The following EDIL3 variants were observed in gnomAD, a reference collection of about 807,000 sequenced individuals.
EDIL3 encodes the protein EGF-like repeat and discoidin I-like domain-containing protein 3.
EDIL3 carries 37 observed loss-of-function variants against 67.4 expected under a neutral mutation model. The observed-to-expected ratio is 0.55, with a 90% CI of 0.42 to 0.72. The LOEUF (loss-of-function observed/expected upper bound fraction) is 0.72. Among genes scored for constraint, EDIL3 ranks in the 30% least tolerant of loss-of-function variants. The probability of loss-of-function intolerance (pLI) is 0.00; values close to 1 mark genes in which losing one functional copy is unlikely to be tolerated. For synonymous variants in EDIL3, 195 were observed against 196.3 expected (o/e 0.99, Z 0.05); for missense variants, 527 against 586.3 (o/e 0.90, Z 1.04).
At chr5:84,322,264 T>C (rs1396542630) in intron 1 of EDIL3, among the ~76,000 whole-genome samples, 2 of 151,566 alleles carry the variant, frequency 1.3e-5, no homozygotes, top group African/African-American at 4.8e-5. Flanking sequence ...ATGGCAGATA[T>C]ACTAGACAAA....
At chr5:84,361,418 T>C (rs944376754) in intron 1 of EDIL3, among the ~76,000 whole-genome samples, 5 of 152,110 alleles carry the variant, frequency 3.3e-5, no homozygotes, top group Non-Finnish European at 1.5e-5. Context: ...TTTTTATAAA[T>C]AGAAGAGGCA....
chr5:84,223,405 T>C (rs1055517235), intron 3 of EDIL3, among the ~76,000 whole-genome samples: 1 of 151,670 alleles, frequency 6.6e-6, no homozygotes, highest in Admixed American at 6.6e-5. Flanking sequence ...GATTAATTAA[T>C]AGATAAGAAA....
chr5:84,097,516 C>A (rs1481470611), intron 6 of EDIL3, among the ~76,000 whole-genome samples: 1 of 152,094 alleles, frequency 6.6e-6, no homozygotes, highest in East Asian at 1.9e-4. Context: ...AGTTAGCAAA[C>A]CATGTAAGGC....
At chr5:83,957,627 T>C (rs1029125460) in intron 10 of EDIL3, among the ~76,000 whole-genome samples, 1 of 151,656 alleles carries the variant, frequency 6.6e-6, no homozygotes, top group African/African-American at 2.4e-5. Context: ...TTCACACCCA[T>C]GTTGAGAAAG....
chr5:84,213,941 T>G (rs10056381), intron 3 of EDIL3, among the ~76,000 whole-genome samples: 1 of 152,174 alleles, frequency 6.6e-6, no homozygotes. Flanking sequence ...TAATTCCTTG[T>G]GGACCTCAAA....
At chr5:84,096,229 C>A (rs935437219) in intron 6 of EDIL3, among the ~76,000 whole-genome samples, 1 of 152,148 alleles carries the variant, frequency 6.6e-6, no homozygotes, top group African/African-American at 2.4e-5. Context: ...ATCCTAGAGA[C>A]CCCAAAATGG....
chr5:84,114,488 A>C (rs917575541), intron 5 of EDIL3, among the ~76,000 whole-genome samples: 1 of 152,156 alleles, frequency 6.6e-6, no homozygotes, highest in Non-Finnish European at 1.5e-5. Flanking sequence ...TGGTTATGGC[A>C]CTGAGAATAA....
intron 1 of EDIL3, among the ~76,000 whole-genome samples, chr5:84,336,580 TG>T (rs575411064): frequency 1.8e-3 from 274 of 152,078 alleles, no homozygotes; most frequent in African/African-American, 6.1e-3. Context: ...TATTAGAGAT[TG>T]TTTAGGAAAG....
chr5:84,310,486 T>A (rs79323205), intron 1 of EDIL3, among the ~76,000 whole-genome samples: 2 of 152,168 alleles, frequency 1.3e-5, no homozygotes, highest in Non-Finnish European at 2.9e-5. Flanking sequence ...CAGAAAAAAA[T>A]AGTAATCTTA....
intron 10 of EDIL3, among the ~76,000 whole-genome samples, chr5:83,957,904 T>A (rs1356955270): frequency 1.3e-5 from 2 of 151,640 alleles, no homozygotes; most frequent in African/African-American, 4.8e-5. Context: ...CACAGTTGGA[T>A]GAATATAAAT....
chr5:84,085,113 G>T (rs572956543), intron 6 of EDIL3, among the ~76,000 whole-genome samples: 145 of 152,244 alleles, frequency 9.5e-4, no homozygotes, highest in African/African-American at 3.4e-3. Flanking sequence ...CAAACATGTG[G>T]GTTAGAACAT....
chr5:84,328,821 G>A (rs1426284262), intron 1 of EDIL3, among the ~76,000 whole-genome samples: 1 of 152,032 alleles, frequency 6.6e-6, no homozygotes, highest in East Asian at 1.9e-4. Context: ...TTTCAATTGG[G>A]AAAAGAAGTA....
chr5:84,155,200 C>G (rs1748469612), intron 4 of EDIL3, among the ~76,000 whole-genome samples: 1 of 152,022 alleles, frequency 6.6e-6, no homozygotes, highest in Non-Finnish European at 1.5e-5. Context: ...TTATTTTGAG[C>G]CTTAAAATTG....
chr5:84,169,313 G>T (rs1360916512), intron 4 of EDIL3, among the ~76,000 whole-genome samples: 1 of 151,890 alleles, frequency 6.6e-6, no homozygotes, highest in Non-Finnish European at 1.5e-5. Context: ...ATCCTCAATG[G>T]TTAACATTTT....
chr5:84,214,509 C>A (rs909441607), intron 3 of EDIL3, among the ~76,000 whole-genome samples: 1 of 150,808 alleles, frequency 6.6e-6, no homozygotes, highest in South Asian at 2.1e-4. Context: ...ACTTTATTGT[C>A]TTTCTTGTTC....
chr5:83,993,826 C>T (rs937510125), intron 9 of EDIL3, among the ~76,000 whole-genome samples: 1 of 152,182 alleles, frequency 6.6e-6, no homozygotes, highest in African/African-American at 2.4e-5. Flanking sequence ...TTTGTTGAGT[C>T]TTCCTCTCTG....
At chr5:84,346,805 C>T (rs575413920) in intron 1 of EDIL3, among the ~76,000 whole-genome samples, 17 of 137,832 alleles carry the variant, frequency 1.2e-4, no homozygotes, top group South Asian at 2.3e-4. Flanking sequence ...CTAGAGCCAC[C>T]GATAATCATC....
Position 83,981,529 on chromosome 5 carries a change from G to A in EDIL3, c.1138-18169C>T, listed in dbSNP as rs190670435. ...TTAAATATTCAGTAGGGGTGAGGAA[G>A]GATAGAGTATTTTAAGGTGTCAGCC... On this transcript the variant is annotated intron_variant, in intron 9 of 10. Coordinates refer to ENST00000296591, the MANE Select transcript of EDIL3 (RefSeq NM_005711.5). 3.3e-5 allele frequency among the ~76,000 whole-genome samples: 5 copies of A among 152,096 alleles called. No individual in the cohort carries two copies. The South Asian group carries it at 8.3e-4, about 25-fold the overall frequency.
At chr5:84,324,472 T>G (rs1746710339) in intron 1 of EDIL3, among the ~76,000 whole-genome samples, 1 of 151,722 alleles carries the variant, frequency 6.6e-6, no homozygotes, top group Non-Finnish European at 1.5e-5. Flanking sequence ...TAAGAAGATC[T>G]CCAATCAGCA....
Sources: gnomAD v4.1 joint callset for allele counts (sites outside exome capture counted in the v4.1 genomes callset) on GRCh38, gnomAD v4.1.1 for gene constraint, MANE v1.5 for transcripts, NCBI Gene and HGNC (gene_info 2026-07-23, HGNC 2026-07-21) for gene names.